CSMD1: variants seen among roughly 807,000 people sequenced by gnomAD.
The protein encoded by CSMD1 is CUB and sushi domain-containing protein 1.
In CSMD1, 213 loss-of-function variants were observed where a neutral mutation model predicts 417.5. The ratio of observed to expected loss-of-function variants is 0.51; its 90% CI spans 0.46 to 0.57. CSMD1 has a LOEUF of 0.57. Among genes scored for constraint, CSMD1 ranks in the 20% least tolerant of loss-of-function variants. CSMD1 has a pLI of 0.00. For missense variants in CSMD1, 6,923 were observed against 4,529.7 expected (o/e 1.53, Z -15.17); for synonymous variants, 2,862 against 1,736.8 (o/e 1.65, Z -16.11).
intron 3 of CSMD1, among the ~76,000 whole-genome samples, chr8:4,311,202 A>T (rs895996087): frequency 1.3e-5 from 2 of 152,304 alleles, no homozygotes; most frequent in East Asian, 3.9e-4. Flanking sequence ...ATGCACGTGA[A>T]TGTTCATTAT....
intron 3 of CSMD1, among the ~76,000 whole-genome samples, chr8:4,260,316 G>T (rs1254108211): frequency 6.6e-6 from 1 of 152,142 alleles, no homozygotes; most frequent in African/African-American, 2.4e-5. Flanking sequence ...CTTTTATGAT[G>T]TGTCTGTTTT....
chr8:2,975,127 G>C (rs894954728), intron 55 of CSMD1, among the ~76,000 whole-genome samples: 1 of 152,152 alleles, frequency 6.6e-6, no homozygotes, highest in Non-Finnish European at 1.5e-5. Flanking sequence ...CTTTGAATAA[G>C]GGGCAGTCTA....
chr8:2,983,942 T>C (rs1269306963), intron 54 of CSMD1, among the ~76,000 whole-genome samples: 2 of 152,208 alleles, frequency 1.3e-5, no homozygotes, highest in Non-Finnish European at 2.9e-5. Context: ...TAAGCTTTTA[T>C]GTGAAATTAA....
intron 3 of CSMD1, among the ~76,000 whole-genome samples, chr8:4,309,357 C>A (rs1585204240): frequency 6.6e-6 from 1 of 152,000 alleles, no homozygotes. Flanking sequence ...AGGAAAAAAA[C>A]TAATCTTTTG....
chr8:3,783,494 G>C (rs572402699), intron 5 of CSMD1, among the ~76,000 whole-genome samples: 34 of 152,322 alleles, frequency 2.2e-4, no homozygotes, highest in African/African-American at 8.2e-4. Flanking sequence ...CTGCAGTGCT[G>C]AGGAGGGGAA....
intron 2 of CSMD1, among the ~76,000 whole-genome samples, chr8:4,612,794 C>G (rs1402272923): frequency 6.6e-6 from 1 of 152,184 alleles, no homozygotes; most frequent in Non-Finnish European, 1.5e-5. Context: ...CCAGTAACAC[C>G]AGCCTCTGTC....
At chr8:3,486,547 C>G (rs757021549) in intron 11 of CSMD1, among the ~76,000 whole-genome samples, 1 of 152,040 alleles carries the variant, frequency 6.6e-6, no homozygotes, top group South Asian at 2.1e-4. Context: ...GAGAAAATAG[C>G]CACAGTGAGT....
At chr8:4,249,847 C>G (rs113768125) in intron 3 of CSMD1, among the ~76,000 whole-genome samples, 1 of 152,038 alleles carries the variant, frequency 6.6e-6, no homozygotes, top group Admixed American at 6.6e-5. Flanking sequence ...GAATGTGTCC[C>G]CTGACCCCCG....
chr8:3,128,425 A>G (rs1404076244), intron 41 of CSMD1: 1 of 161,962 alleles, frequency 6.2e-6, no homozygotes, highest in Non-Finnish European at 1.4e-5. Context: ...TTACATGGTC[A>G]TAAATAAATG....
chr8:3,766,253 C>A (rs1798261367), intron 5 of CSMD1, among the ~76,000 whole-genome samples: 2 of 152,180 alleles, frequency 1.3e-5, no homozygotes, highest in South Asian at 4.1e-4. Context: ...CATGCCCCAC[C>A]TGGAAATCTC....
intron 23 of CSMD1, among the ~76,000 whole-genome samples, chr8:3,328,125 T>A (rs1191978111): frequency 6.6e-6 from 1 of 152,200 alleles, no homozygotes; most frequent in Non-Finnish European, 1.5e-5. Flanking sequence ...CTATTGTGAT[T>A]CAATGTCAAA....
At chr8:3,922,576 T>C (rs1308309569) in intron 5 of CSMD1, among the ~76,000 whole-genome samples, 1 of 152,146 alleles carries the variant, frequency 6.6e-6, no homozygotes, top group Non-Finnish European at 1.5e-5. Context: ...TGGTTACAAG[T>C]AGGATTAAAT....
intron 51 of CSMD1, among the ~76,000 whole-genome samples, chr8:3,022,386 C>T (rs1809511938): frequency 6.6e-6 from 1 of 152,214 alleles, no homozygotes; most frequent in African/African-American, 2.4e-5. Context: ...CCCGCAATCC[C>T]ACAGCGTCCG....
intron 1 of CSMD1, among the ~76,000 whole-genome samples, chr8:4,864,578 T>C (rs1049815348): frequency 6.6e-6 from 1 of 151,748 alleles, no homozygotes; most frequent in Non-Finnish European, 1.5e-5. Context: ...GAGTTCATAA[T>C]GATCTTTATT....
intron 33 of CSMD1, among the ~76,000 whole-genome samples, chr8:3,195,161 G>A (rs1004860078): frequency 1.3e-5 from 2 of 151,994 alleles, no homozygotes; most frequent in Non-Finnish European, 1.5e-5. Flanking sequence ...ATAAATATAA[G>A]ACAATTGAAA....
At position 3,407,912 on chromosome 8, in the gene CSMD1, G is replaced by A; in HGVS notation, c.2058C>T (p.Asn686=). Residue 686 remains asparagine (N), a synonymous_variant, in exon 14 of 70, where the codon AAC becomes AAT. Coordinates refer to ENST00000635120, the MANE Select transcript of CSMD1 (RefSeq NM_033225.6). The part of the protein sequence containing the change: ...SDHSTTGRGF[N]ITYTTFGQNE... The stretch of plus-strand genomic sequence containing the variant: ...GGGCGTACTTACTGGTGTAAGTGAT[G>A]TTGAACCCTCTGCCAGTAGTGGAAT... 1.2e-6 allele frequency: 2 copies of A among 1,610,168 alleles called. No homozygotes were observed. The highest frequency in any genetic ancestry group is 1.1e-5 in the South Asian group (1 of 90,566).
intron 5 of CSMD1, among the ~76,000 whole-genome samples, chr8:3,968,005 A>T (rs1415368379): frequency 1.1e-4 from 2 of 17,914 alleles, no homozygotes; most frequent in Non-Finnish European, 8.6e-5. Context: ...GTCACTGCTT[A>T]AAAAAAAAAA....
chr8:3,194,459 T>TATTTTATTTCATTTC (rs1362170813), intron 33 of CSMD1, among the ~76,000 whole-genome samples: 42 of 122,958 alleles, frequency 3.4e-4, no homozygotes, highest in Non-Finnish European at 6.0e-4. Flanking sequence ...TATTTTATTT[T>TATTTTATTTCATTTC]ATTTCATTTC....
At chr8:4,325,167 A>C (rs1799490114) in intron 3 of CSMD1, among the ~76,000 whole-genome samples, 1 of 152,198 alleles carries the variant, frequency 6.6e-6, no homozygotes, top group Non-Finnish European at 1.5e-5. Flanking sequence ...AAAGAGGAGA[A>C]AAATAAATAT....
Sources: allele counts gnomAD v4.1 joint callset (sites outside exome capture counted in the v4.1 genomes callset), GRCh38; gene constraint gnomAD v4.1.1; transcripts MANE v1.5; gene names NCBI Gene and HGNC (gene_info 2026-07-23, HGNC 2026-07-21).